FANCC: variants seen among roughly 807,000 people sequenced by gnomAD.
FANCC encodes the protein Fanconi anemia group C protein.
FANCC carries 55 observed loss-of-function variants against 71.3 expected under a neutral mutation model. The observed-to-expected ratio is 0.77, with a 90% CI of 0.62 to 0.97. The LOEUF (loss-of-function observed/expected upper bound fraction) is 0.97. Ranked by LOEUF, FANCC falls within the 50% of genes least tolerant of loss-of-function variation. The probability of loss-of-function intolerance (pLI) is 0.00; values close to 1 mark genes in which losing one functional copy is unlikely to be tolerated. For missense variants in FANCC, 678 were observed against 670.9 expected, an observed-to-expected ratio of 1.01 and a Z score of -0.12; for synonymous variants, 275 against 244.9, an observed-to-expected ratio of 1.12 and a Z score of -1.15.
At chr9:95,111,723 G>A (rs1020820319) in intron 12 of FANCC, 86 bp from the exon 13 acceptor site, 28 of 1,522,186 alleles carry the variant, frequency 1.8e-5, no homozygotes, top group African/African-American at 2.7e-5. Context: ...GTTTGCCAAC[G>A]GTTGGCTTAA....
At chr9:95,233,311 T>C (rs1588324339) in intron 4 of FANCC, among the ~76,000 whole-genome samples, 2 of 152,100 alleles carry the variant, frequency 1.3e-5, no homozygotes, top group South Asian at 4.1e-4. Context: ...ATAAAAATAG[T>C]AGATGGAGCT....
rs1835845418 is a variant in FANCC at position 95,317,557 on chromosome 9, T to C, written c.-110A>G. ...GTCCTCGCGGGAGCTGCTTCAGCAG[T>C]TTGGGCAGTGGCGGAAAGGAAGCCA... is the stretch of plus-strand genomic sequence containing the variant. On this transcript the variant is annotated 5_prime_UTR_variant, in exon 1 of 15. Transcript: ENST00000289081. 6.6e-6 allele frequency: 1 copy of C among 152,238 alleles called. No homozygotes were observed. The highest frequency in any genetic ancestry group is 1.5e-5 in the Non-Finnish European group (1 of 68,060). The allele number at this position is 152,238 out of a possible 1,614,324, so 9.4% of individuals were successfully genotyped here.
At chr9:95,137,545 GC>G (rs1435280192) in intron 7 of FANCC, among the ~76,000 whole-genome samples, 2 of 152,146 alleles carry the variant, frequency 1.3e-5, no homozygotes, top group East Asian at 3.9e-4. Flanking sequence ...TACTGGACAT[GC>G]CATTTCCTCA....
chr9:95,263,373 A>C (rs1832171988), intron 1 of FANCC, among the ~76,000 whole-genome samples: 1 of 152,042 alleles, frequency 6.6e-6, no homozygotes, highest in Non-Finnish European at 1.5e-5. Flanking sequence ...GCCAGGGGTG[A>C]ATCTTGATTC....
intron 1 of FANCC, among the ~76,000 whole-genome samples, chr9:95,272,265 A>G (rs904649196): frequency 2.0e-5 from 3 of 152,024 alleles, no homozygotes; most frequent in Non-Finnish European, 4.4e-5. Context: ...TTGAGGCAAC[A>G]AAGCATCATT....
intron 4 of FANCC, among the ~76,000 whole-genome samples, chr9:95,229,474 G>C (rs1829854675): frequency 6.6e-6 from 1 of 152,072 alleles, no homozygotes; most frequent in Non-Finnish European, 1.5e-5. Context: ...AGACTGGATG[G>C]ATTGATAGAC....
At chr9:95,113,197 G>A (rs1056493323) in intron 12 of FANCC, among the ~76,000 whole-genome samples, 20 of 152,158 alleles carry the variant, frequency 1.3e-4, no homozygotes, top group Admixed American at 5.2e-4. Flanking sequence ...GGTCTCTGTC[G>A]GTAAGAATCA....
At chr9:95,306,057 C>G (rs1835055134) in intron 1 of FANCC, among the ~76,000 whole-genome samples, 1 of 152,150 alleles carries the variant, frequency 6.6e-6, no homozygotes, top group African/African-American at 2.4e-5. Flanking sequence ...CTGGTTGGTA[C>G]AAACATGTTG....
intron 3 of FANCC, among the ~76,000 whole-genome samples, chr9:95,244,395 G>A (rs541500636): frequency 6.6e-6 from 1 of 152,242 alleles, no homozygotes; most frequent in African/African-American, 2.4e-5. Flanking sequence ...AAAACACTTT[G>A]TAGGCTGGGT....
intron 1 of FANCC, chr9:95,294,138 T>C: frequency 6.2e-7 from 1 of 1,606,430 alleles, no homozygotes. Context: ...TCTTGTCAAG[T>C]AATCTGCCTG....
chr9:95,199,165 A>C (rs992144890), intron 4 of FANCC, among the ~76,000 whole-genome samples: 2 of 152,120 alleles, frequency 1.3e-5, no homozygotes, highest in African/African-American at 4.8e-5. Flanking sequence ...ATGGGTTTAG[A>C]CCTTGCCATG....
chr9:95,110,658 A>T (rs1452741591), intron 13 of FANCC: 3 of 1,048,084 alleles, frequency 2.9e-6, no homozygotes, highest in Non-Finnish European at 3.5e-6. Context: ...GTGTGTTTTC[A>T]AACAACAGAA....
intron 4 of FANCC, among the ~76,000 whole-genome samples, chr9:95,197,549 AC>A (rs1827535320): frequency 6.6e-6 from 1 of 151,818 alleles, no homozygotes; most frequent in African/African-American, 2.4e-5. Context: ...AAACAAACAA[AC>A]CCCAATATAA....
At chr9:95,126,691 G>T in intron 8 of FANCC, 110 bp from the exon 9 acceptor site, 1 of 1,106,446 alleles carries the variant, frequency 9.0e-7, no homozygotes, top group Non-Finnish European at 1.4e-6. Context: ...CAGAAAACTG[G>T]CATACTCCTT....
intron 8 of FANCC, 75 bp from the exon 9 acceptor site, chr9:95,126,656 G>A: frequency 6.9e-7 from 1 of 1,449,664 alleles, no homozygotes; most frequent in Non-Finnish European, 9.7e-7. Context: ...ATCAGCCAAA[G>A]GAGTTACTGG....
intron 6 of FANCC, among the ~76,000 whole-genome samples, chr9:95,155,529 C>A (rs1488824001): frequency 6.6e-6 from 1 of 151,940 alleles, no homozygotes. Flanking sequence ...CCTTTATTTA[C>A]ATCTTTTTTT....
intron 7 of FANCC, among the ~76,000 whole-genome samples, chr9:95,143,965 A>G (rs960756854): frequency 6.6e-6 from 1 of 152,270 alleles, no homozygotes; most frequent in Non-Finnish European, 1.5e-5. Flanking sequence ...TGCTGAAAAT[A>G]TATGACTGCA....
chr9:95,269,768 T>C (rs1199737730), intron 1 of FANCC, among the ~76,000 whole-genome samples: 1 of 152,036 alleles, frequency 6.6e-6, no homozygotes, highest in Non-Finnish European at 1.5e-5. Flanking sequence ...TGGGAACCAT[T>C]ATTGTAGGGG....
Position 95,249,271 on chromosome 9 carries a change from A to T in FANCC, c.21T>A (p.Asp7Glu). Residue 7 changes from aspartate to glutamate, a missense_variant, in exon 2 of 15, where the codon GAT becomes GAA. Physicochemically the swap from Asp to Glu is conservative, Grantham distance 45. Coordinates refer to ENST00000289081, the MANE Select transcript of FANCC (RefSeq NM_000136.3). MAQDSV[D>E]LSCDYQFWMQ... ...TCCAAAACTGATAATCACAAGAAAG[A>T]TCTACTGAATCTTGAGCCATCTTGG... 2 of 1,614,092 alleles carry T rather than the reference A, an allele frequency of 1.2e-6. No homozygotes were observed. Among genetic ancestry groups the T allele is most frequent in the East Asian group, 4.5e-5 (2 of 44,870 alleles).
Sources: allele counts gnomAD v4.1 joint callset (sites outside exome capture counted in the v4.1 genomes callset), GRCh38; gene constraint gnomAD v4.1.1; transcripts MANE v1.5; gene names NCBI Gene and HGNC (gene_info 2026-07-23, HGNC 2026-07-21).